The following RGS12 variants were observed in gnomAD, a reference collection of about 807,000 sequenced individuals.
The protein encoded by RGS12 is regulator of G protein signaling 12.
In RGS12, 66 loss-of-function variants were observed where a neutral mutation model predicts 120.1. That is an observed-to-expected ratio of 0.55 (90% CI 0.45 to 0.67). RGS12 has a LOEUF of 0.67. RGS12 is among the 30% of genes least tolerant of loss of function. The pLI is 0.00. For synonymous variants in RGS12, 827 were observed against 804.7 expected (o/e 1.03, Z -0.47); for missense variants, 1,859 against 1,957.7 (o/e 0.95, Z 0.95).
Position 3,372,069 on chromosome 4 carries a change from C to T in RGS12, c.1999-14347C>T, listed in dbSNP as rs79452121. Among the ~76,000 whole-genome samples, 79 of 152,322 alleles carry T rather than the reference C, an allele frequency of 5.2e-4. No homozygotes were observed. The highest frequency in any genetic ancestry group is 1.8e-3 in the African/African-American group (76 of 41,582). ...CCGTGCCTGTCACCTAATCGGGGCA[C>T]CTCATCCTGTTTCATAAACCATGTG... On this transcript the variant is annotated intron_variant, in intron 3 of 17. Coordinates refer to ENST00000336727, the MANE Select transcript of RGS12 (RefSeq NM_001394154.1). The surrounding 1 kb of genome is among the most constrained non-coding windows in gnomAD (Gnocchi z 4.3).
chr4:3,368,525 G>A (rs1477228945), intron 3 of RGS12, among the ~76,000 whole-genome samples: 1 of 131,810 alleles, frequency 7.6e-6, no homozygotes, highest in East Asian at 2.4e-4. Context: ...TGTGTGTGGG[G>A]TACGTGTGTG....
chr4:3,424,764 T>G (rs1379819868), intron 13 of RGS12, among the ~76,000 whole-genome samples: 1 of 152,194 alleles, frequency 6.6e-6, no homozygotes, highest in Non-Finnish European at 1.5e-5. Context: ...ACCTCTCCAG[T>G]GAATTCTGTG....
intron 1 of RGS12, among the ~76,000 whole-genome samples, chr4:3,309,185 G>T (rs1377946855): frequency 6.0e-4 from 3 of 5,000 alleles, no homozygotes; most frequent in East Asian, 6.8e-3. Context: ...GCTGGGACTC[G>T]GGAATGGCAG....
At position 3,420,725 on chromosome 4, in the gene RGS12, C is replaced by T. The variant is rs554874393; in HGVS notation, c.2838+7C>T. The T allele has an allele frequency of 1.8e-4, 294 of 1,610,542 alleles. 2 individuals carry two copies. The South Asian group carries it at 3.0e-3, about 16-fold the overall frequency. On this transcript the variant is annotated splice_region_variant and intron_variant, in intron 10 of 17. Transcript: ENST00000336727. Reference sequence around the variant, plus strand: ...TGCGGGGAGCCTGGACCTGGTGAGTCACTGTCTCCCCTCGTCCCACAGGCC... The same window carrying T: ...TGCGGGGAGCCTGGACCTGGTGAGTTACTGTCTCCCCTCGTCCCACAGGCC...
At chr4:3,422,128 C>G (rs558368793) in intron 10 of RGS12, among the ~76,000 whole-genome samples, 35 of 152,258 alleles carry the variant, frequency 2.3e-4, no homozygotes, top group African/African-American at 8.2e-4. Context: ...CTTCTGAGCA[C>G]GATGGCCCTT....
intron 3 of RGS12, among the ~76,000 whole-genome samples, chr4:3,380,114 T>A (rs912939777): frequency 6.6e-6 from 1 of 152,244 alleles, no homozygotes; most frequent in African/African-American, 2.4e-5. Context: ...TATATCCCCA[T>A]TCCAAATGGG....
At chr4:3,380,716 GC>G (rs1490088475) in intron 3 of RGS12, among the ~76,000 whole-genome samples, 1 of 152,190 alleles carries the variant, frequency 6.6e-6, no homozygotes, top group East Asian at 1.9e-4. Context: ...CATGGCTGGA[GC>G]TGAAGCAGCT....
intron 2 of RGS12, among the ~76,000 whole-genome samples, chr4:3,321,597 A>C (rs1036210832): frequency 6.6e-6 from 1 of 152,136 alleles, no homozygotes; most frequent in Non-Finnish European, 1.5e-5. Context: ...CAGCACCCCC[A>C]AGGGCATCTC....
At chr4:3,347,588 A>G (rs1553803781) in intron 3 of RGS12, among the ~76,000 whole-genome samples, 14 of 152,212 alleles carry the variant, frequency 9.2e-5, no homozygotes, top group Non-Finnish European at 2.9e-5. Flanking sequence ...CTTGATCTTG[A>G]TAAGTAGTTT....
rs1725168099 is a variant in RGS12 at position 3,439,757 on chromosome 4, A to AG, written c.*79dup. On this transcript the variant is annotated 3_prime_UTR_variant, in exon 18 of 18. Coordinates refer to ENST00000336727, the MANE Select transcript of RGS12 (RefSeq NM_001394154.1). ...AGCCCAGGTGGATTCTGTGGGCCTCAGGGGGGCCACCCTGGCCACCACACC... is the reference window on the plus strand; with the variant it reads ...AGCCCAGGTGGATTCTGTGGGCCTCAGGGGGGGCCACCCTGGCCACCACACC... The AG allele has an allele frequency of 7.3e-7, 1 of 1,364,844 alleles. No homozygotes were observed. Among genetic ancestry groups the AG allele is most frequent in the Non-Finnish European group, 9.7e-7 (1 of 1,028,922 alleles). The allele number at this position is 1,364,844 out of a possible 1,614,324, so 84.5% of individuals were successfully genotyped here.
chr4:3,345,430 A>T (rs1475712765), intron 3 of RGS12, among the ~76,000 whole-genome samples: 1 of 152,214 alleles, frequency 6.6e-6, no homozygotes, highest in Non-Finnish European at 1.5e-5. Flanking sequence ...CTCCAAAAGC[A>T]TAGCTGACCA....
chr4:3,312,422 T>C, intron 1 of RGS12: 1 of 203,980 alleles, frequency 4.9e-6, no homozygotes. Context: ...TTTGCCCACG[T>C]GGTGAACACT....
chr4:3,430,391 G>C lies in RGS12; in HGVS notation c.3566-16G>C, dbSNP rs765586258. On this transcript the variant is annotated splice_polypyrimidine_tract_variant and intron_variant, in intron 16 of 17. Transcript: ENST00000336727. ...AACTCTCTAAAACACGGTCACTCTG[G>C]GTTTTCTTCCAATAGAGTTTTTTGA... is the stretch of plus-strand genomic sequence containing the variant. 2.5e-6 allele frequency: 4 copies of C among 1,600,070 alleles called. No homozygotes were observed. In the African/African-American group the frequency reaches 4.0e-5, roughly 16 times the overall value.
At chr4:3,399,775 CAAAT>C (rs1208380918) in intron 4 of RGS12, among the ~76,000 whole-genome samples, 1 of 152,210 alleles carries the variant, frequency 6.6e-6, no homozygotes, top group Non-Finnish European at 1.5e-5. Context: ...ATTGCAATAA[CAAAT>C]AACACCAAAA....
At chr4:3,375,168 A>G (rs1258338666) in intron 3 of RGS12, among the ~76,000 whole-genome samples, 1 of 152,166 alleles carries the variant, frequency 6.6e-6, no homozygotes, top group Admixed American at 6.5e-5. Flanking sequence ...GCTGCACGGG[A>G]GGTCATTTTG....
intron 2 of RGS12, among the ~76,000 whole-genome samples, chr4:3,321,419 G>A (rs1725179622): frequency 6.6e-6 from 1 of 152,214 alleles, no homozygotes; most frequent in Admixed American, 6.5e-5. Flanking sequence ...CAGTGCCTGT[G>A]CCCATTGCTG....
Position 3,423,576 on chromosome 4 carries a change from A to T in RGS12, c.3169A>T (p.Thr1057Ser), listed in dbSNP as rs1481681985. 1 of 1,612,824 alleles carries T rather than the reference A, an allele frequency of 6.2e-7. No individual in the cohort carries two copies. Among genetic ancestry groups the T allele is most frequent in the East Asian group, 2.2e-5 (1 of 44,872 alleles). Residue 1057 changes from threonine (T) to serine (S), a missense_variant, in exon 13 of 18, where the codon ACG (threonine) becomes TCG (serine). Around this residue, in one of 3 missense-constraint regions of RGS12, gnomAD observed 375 missense variants for 475.0 expected, o/e 0.79. Transcript: ENST00000336727. ...GLKAKPTKPV[T>S]EVLRPVVARY... The stretch of plus-strand genomic sequence containing the variant: ...CAAGGCCAAGCCCACCAAGCCCGTC[A>T]CGGAGGTGCTGCGGCCCGTGGTGGC...
intron 4 of RGS12, among the ~76,000 whole-genome samples, chr4:3,410,888 G>C (rs2109082455): frequency 6.6e-6 from 1 of 152,354 alleles, no homozygotes; most frequent in South Asian, 2.1e-4. Context: ...CTCTGATGTA[G>C]AAAAGGGAGC....
chr4:3,402,301 G>C (rs1166350198), intron 4 of RGS12, among the ~76,000 whole-genome samples: 4 of 152,180 alleles, frequency 2.6e-5, no homozygotes, highest in Admixed American at 6.5e-5. Context: ...ATCTGCCCCT[G>C]ATGTGTAGAG....
Sources: allele counts gnomAD v4.1 joint callset (sites outside exome capture counted in the v4.1 genomes callset), GRCh38; gene constraint gnomAD v4.1.1; regional missense constraint gnomAD v4.1.1; non-coding constraint Gnocchi (gnomAD v3.1); transcripts MANE v1.5; gene names NCBI Gene and HGNC (gene_info 2026-07-23, HGNC 2026-07-21).